COPA: variants seen among roughly 807,000 people sequenced by gnomAD.
The protein encoded by COPA is coatomer subunit alpha.
A neutral mutation model predicts 158.7 loss-of-function variants in COPA; 10 were observed. The ratio of observed to expected loss-of-function variants is 0.06; its 90% CI spans 0.04 to 0.11. The LOEUF (loss-of-function observed/expected upper bound fraction) is 0.11, where lower values mean the gene tolerates loss of function less well. Among genes scored for constraint, COPA ranks in the 10% least tolerant of loss-of-function variants. COPA has a pLI of 1.00. For missense variants in COPA, 1,065 were observed against 1,536.7 expected (o/e 0.69, Z 5.13); for synonymous variants, 462 against 542.8 (o/e 0.85, Z 2.07).
chr1:160,304,641 G>A (rs548033126), intron 17 of COPA, among the ~76,000 whole-genome samples: 10 of 152,104 alleles, frequency 6.6e-5, no homozygotes, highest in African/African-American at 2.2e-4. Flanking sequence ...TCCAGCCTGG[G>A]CGAGACTCCG....
In COPA at chr1:160,290,477, G is replaced by T. The variant is rs201060517; in HGVS notation, c.3615+15C>A. 5.6e-6 allele frequency: 9 copies of T among 1,610,368 alleles called. No individual in the cohort carries two copies. Among genetic ancestry groups the T allele is most frequent in the Non-Finnish European group, 7.6e-6 (9 of 1,177,880 alleles). ...GCTCAATATCCTAGATATATTTATT[G>T]AGGACAGTACTTACTGTGGTGACCC... On this transcript the variant is annotated intron_variant, in intron 32 of 32. Transcript: ENST00000241704.
At chr1:160,338,339 A>G (rs1057261702) in intron 3 of COPA, among the ~76,000 whole-genome samples, 16 of 152,204 alleles carry the variant, frequency 1.1e-4, no homozygotes, top group Non-Finnish European at 1.9e-4. Flanking sequence ...TGTCCTTCCT[A>G]TAATTCTAAT....
chr1:160,308,489 G>C (rs1196815106), intron 13 of COPA, among the ~76,000 whole-genome samples: 2 of 152,164 alleles, frequency 1.3e-5, no homozygotes, highest in African/African-American at 2.4e-5. Context: ...CCTGGTACTA[G>C]CCATAAACCC....
At chr1:160,333,969 G>A (rs199713852) in intron 4 of COPA, among the ~76,000 whole-genome samples, 31 of 26,386 alleles carry the variant, frequency 1.2e-3, no homozygotes, top group Non-Finnish European at 2.0e-3. Flanking sequence ...TTCTATATGT[G>A]TGTGTGTGTG....
Position 160,298,905 on chromosome 1 carries a change from C to A in COPA, c.1917G>T (p.Leu639=), listed in dbSNP as rs551395738. The change falls in exon 19 of 33, where the codon CTG becomes CTT. Residue 639 remains leucine (L), a synonymous_variant. Transcript: ENST00000241704. ...GAGTTTTCTCATCCTTGACAAAATG[C>A]AGTGCCACTTCAGGATAGCCCTTCT... ...LQKKGYPEVA[L]HFVKDEKTRF... is the part of the protein sequence containing the mutation. The A allele has an allele frequency of 6.2e-7, 1 of 1,614,162 alleles. No individual in the cohort carries two copies. Among genetic ancestry groups the A allele is most frequent in the Non-Finnish European group, 8.5e-7 (1 of 1,180,034 alleles).
intron 1 of COPA, among the ~76,000 whole-genome samples, chr1:160,341,459 AAGATAC>A (rs1172909581): frequency 6.6e-6 from 1 of 152,262 alleles, no homozygotes; most frequent in Non-Finnish European, 1.5e-5. Context: ...GAGCCTACTG[AAGATAC>A]TTCTACACAT....
intron 6 of COPA, among the ~76,000 whole-genome samples, chr1:160,327,627 G>A (rs1005865967): frequency 2.6e-5 from 4 of 151,926 alleles, no homozygotes; most frequent in Non-Finnish European, 5.9e-5. Flanking sequence ...GGAGGCCAAG[G>A]CAGGTGGAAC....
intron 7 of COPA, among the ~76,000 whole-genome samples, chr1:160,324,349 G>C (rs1009497724): frequency 1.4e-5 from 2 of 142,796 alleles, no homozygotes; most frequent in Non-Finnish European, 3.0e-5. Context: ...GGAGTGTAGT[G>C]GTGCAATCAT....
chr1:160,339,661 T>C (rs568806269), intron 3 of COPA: 9 of 431,758 alleles, frequency 2.1e-5, no homozygotes, highest in African/African-American at 1.8e-4. Flanking sequence ...TTATCTTCTG[T>C]ATTAGAATAA....
At chr1:160,302,119 T>C (rs1449546541) in intron 17 of COPA, among the ~76,000 whole-genome samples, 3 of 152,132 alleles carry the variant, frequency 2.0e-5, no homozygotes, top group African/African-American at 7.2e-5. Context: ...ACAGATACTA[T>C]GATTATTTGT....
intron 25 of COPA, 121 bp from the exon 26 acceptor site, chr1:160,293,584 T>A: frequency 1.4e-6 from 1 of 738,930 alleles, no homozygotes; most frequent in East Asian, 2.9e-5. Context: ...AACCTCTGCC[T>A]CCCATGCTCA....
At chr1:160,313,878 T>C in intron 9 of COPA, 112 bp downstream of exon 9, 1 of 1,020,972 alleles carries the variant, frequency 9.8e-7, no homozygotes, top group South Asian at 2.8e-5. Flanking sequence ...TCATAATATA[T>C]GATTTGATTT....
chr1:160,336,257 T>C (rs1246945229), intron 3 of COPA, among the ~76,000 whole-genome samples: 4 of 149,696 alleles, frequency 2.7e-5, no homozygotes, highest in African/African-American at 9.9e-5. Context: ...CACTTGAACC[T>C]GGGAGGCGGC....
chr1:160,292,693 T>C, intron 27 of COPA, 73 bp from the exon 28 acceptor site: 1 of 1,262,798 alleles, frequency 7.9e-7, no homozygotes, highest in Non-Finnish European at 1.1e-6. Context: ...GGCAAGGTAA[T>C]TAATTTCTCT....
intron 31 of COPA, among the ~76,000 whole-genome samples, chr1:160,290,944 G>A (rs1658210477): frequency 6.6e-6 from 1 of 152,132 alleles, no homozygotes; most frequent in Non-Finnish European, 1.5e-5. Flanking sequence ...GATTATCAGG[G>A]TCAGGTCCTA....
chr1:160,341,897 G>C (rs1267042396), intron 1 of COPA, among the ~76,000 whole-genome samples: 3 of 151,792 alleles, frequency 2.0e-5, no homozygotes, highest in African/African-American at 7.3e-5. Flanking sequence ...TTTTCCTTCT[G>C]TACTGCCCAG....
intron 17 of COPA, among the ~76,000 whole-genome samples, chr1:160,304,704 T>C (rs1658724747): frequency 6.6e-6 from 1 of 152,144 alleles, no homozygotes; most frequent in Non-Finnish European, 1.5e-5. Flanking sequence ...TGTGAAGATA[T>C]GCATAATCCA....
intron 9 of COPA, 21 bp downstream of exon 9, chr1:160,313,969 C>A: frequency 6.4e-7 from 1 of 1,572,432 alleles, no homozygotes; most frequent in Non-Finnish European, 8.6e-7. Flanking sequence ...AAAGTTCACA[C>A]AACACTGAGG....
chr1:160,297,513 C>T, intron 20 of COPA, 43 bp downstream of exon 20: 2 of 1,612,022 alleles, frequency 1.2e-6, no homozygotes, highest in Non-Finnish European at 1.7e-6. Context: ...CTTCCTCCTT[C>T]CCCCAAGAAC....
Sources: gnomAD v4.1 joint callset for allele counts (sites outside exome capture counted in the v4.1 genomes callset) on GRCh38, gnomAD v4.1.1 for gene constraint, MANE v1.5 for transcripts, NCBI Gene and HGNC (gene_info 2026-07-23, HGNC 2026-07-21) for gene names.